CABLES1: variants seen among roughly 807,000 people sequenced by gnomAD.
CABLES1 encodes CDK5 and ABL1 enzyme substrate 1.
CABLES1 carries 36 observed loss-of-function variants against 57.8 expected under a neutral mutation model. The observed-to-expected ratio is 0.62, with a 90% confidence interval of 0.48 to 0.82. The LOEUF (loss-of-function observed/expected upper bound fraction) is 0.82, where lower values mean the gene tolerates loss of function less well. Ranked by LOEUF, CABLES1 falls within the 40% of genes least tolerant of loss-of-function variation. The pLI, the probability that CABLES1 is intolerant of heterozygous loss-of-function variation, is 0.00. For missense variants in CABLES1, 767 were observed against 836.6 expected, an observed-to-expected ratio of 0.92 and a Z score of 1.03; for synonymous variants, 374 against 363.0, an observed-to-expected ratio of 1.03 and a Z score of -0.35.
intron 7 of CABLES1, among the ~76,000 whole-genome samples, chr18:23,242,423 C>A (rs2047758917): frequency 1.3e-5 from 2 of 152,166 alleles, no homozygotes; most frequent in Non-Finnish European, 2.9e-5. Context: ...GATGGTGTGT[C>A]TCAGGGGAGG....
chr18:23,234,627 G>A lies in CABLES1; in HGVS notation c.1108G>A (p.Gly370Arg), dbSNP rs1384428824. The A allele has an allele frequency of 3.7e-6, 6 of 1,613,918 alleles. No individual in the cohort carries two copies. Among genetic ancestry groups the A allele is most frequent in the Admixed American group, 1.7e-5 (1 of 60,012 alleles). The change falls in exon 5 of 10, where the codon GGA (glycine) becomes AGA (arginine). Residue 370 changes from glycine (G) to arginine (R), a missense_variant. Transcript: ENST00000256925. ...TCCCAGGGACTTGAAGTTGGACGGA[G>A]GAAGACAATCAACTGGTGCAGTGAG... is the stretch of plus-strand genomic sequence containing the variant. ...TQVGDLKLDG[G>R]RQSTGAVSLK... is the part of the protein sequence containing the mutation.
At chr18:23,165,803 G>A (rs1025541824) in intron 1 of CABLES1, among the ~76,000 whole-genome samples, 2 of 152,124 alleles carry the variant, frequency 1.3e-5, no homozygotes, top group Non-Finnish European at 2.9e-5. Context: ...GAATGATGCC[G>A]CTATGAGCAT....
chr18:23,139,090 T>C (rs980488455), intron 1 of CABLES1, among the ~76,000 whole-genome samples: 20 of 152,084 alleles, frequency 1.3e-4, no homozygotes, highest in African/African-American at 4.6e-4. Context: ...TTGGGTTTGT[T>C]TTGGGTATAT....
chr18:23,185,344 C>T (rs572471812), intron 1 of CABLES1, among the ~76,000 whole-genome samples: 187 of 152,292 alleles, frequency 1.2e-3, no homozygotes, highest in African/African-American at 4.3e-3. Context: ...CACACCACAG[C>T]CCTGAAGGAC....
intron 1 of CABLES1, among the ~76,000 whole-genome samples, chr18:23,180,869 G>T (rs1442891776): frequency 6.6e-6 from 1 of 152,156 alleles, no homozygotes; most frequent in Non-Finnish European, 1.5e-5. Context: ...CAAGAAGCAG[G>T]GGATGGAGGC....
In CABLES1 at chr18:23,171,283, G is replaced by A. The variant is rs113845359; in HGVS notation, c.846-17555G>A. On this transcript the variant is annotated intron_variant, in intron 1 of 9. Transcript: ENST00000256925. ...GAACTCTTAGTGTGTCTCCTCACCGGATTGTTCTTAAAGGCAAGGCTTTTG... is the reference window on the plus strand; with the variant it reads ...GAACTCTTAGTGTGTCTCCTCACCGAATTGTTCTTAAAGGCAAGGCTTTTG... Among the ~76,000 whole-genome samples the A allele has an allele frequency of 9.9e-3, 1,515 of 152,302 alleles. 21 individuals are homozygous for A. Among genetic ancestry groups the A allele is most frequent in the African/African-American group, 0.035 (1,460 of 41,564 alleles).
chr18:23,170,297 G>GGGCCTGCCTGTTTTTGACGT (rs1466205983), intron 1 of CABLES1, among the ~76,000 whole-genome samples: 1 of 152,168 alleles, frequency 6.6e-6, no homozygotes, highest in Non-Finnish European at 1.5e-5. Flanking sequence ...CATGTAACAA[G>GGGCCTGCCTGTTTTTGACGT]GGCCTGCCTG....
chr18:23,223,384 C>T (rs1454702771), intron 4 of CABLES1, among the ~76,000 whole-genome samples: 1 of 151,954 alleles, frequency 6.6e-6, no homozygotes, highest in African/African-American at 2.4e-5. Flanking sequence ...TTGAGACCAG[C>T]CTGGCCGACA....
intron 8 of CABLES1, among the ~76,000 whole-genome samples, chr18:23,253,345 TG>T (rs1474637149): frequency 6.6e-6 from 1 of 152,076 alleles, no homozygotes; most frequent in Non-Finnish European, 1.5e-5. Flanking sequence ...TAGCCAGGCA[TG>T]GTGGTGCACG....
intron 1 of CABLES1, among the ~76,000 whole-genome samples, chr18:23,162,351 TAGAC>T (rs1476273280): frequency 6.6e-6 from 1 of 152,222 alleles, no homozygotes; most frequent in African/African-American, 2.4e-5. Flanking sequence ...ATTATTAGCT[TAGAC>T]AGCCAGTTGC....
intron 3 of CABLES1, among the ~76,000 whole-genome samples, chr18:23,195,376 T>A (rs2047274818): frequency 6.6e-6 from 1 of 152,160 alleles, no homozygotes; most frequent in African/African-American, 2.4e-5. Context: ...TCTTGTTTGA[T>A]CTCCTAATTT....
At chr18:23,226,480 T>C (rs2047528947) in intron 4 of CABLES1, among the ~76,000 whole-genome samples, 1 of 152,168 alleles carries the variant, frequency 6.6e-6, no homozygotes, top group South Asian at 2.1e-4. Context: ...CCTCCTATTT[T>C]TTTACCCTCA....
chr18:23,187,535 C>T (rs1181158248), intron 1 of CABLES1, among the ~76,000 whole-genome samples: 11 of 152,120 alleles, frequency 7.2e-5, no homozygotes, highest in African/African-American at 1.9e-4. Context: ...TACAGGCGCC[C>T]GCCACCACAC....
Position 23,257,441 on chromosome 18 carries a change from G to A in CABLES1, c.*74G>A, listed in dbSNP as rs1325351495. 3 of 1,464,474 alleles carry A rather than the reference G, an allele frequency of 2.0e-6. No individual in the cohort carries two copies. Among genetic ancestry groups the A allele is most frequent in the Non-Finnish European group, 2.7e-6 (3 of 1,096,132 alleles). 90.7% of individuals were successfully genotyped at this position (1,464,474 alleles called of 1,614,324 possible). A position where few individuals can be genotyped will look rare whatever the true frequency, so the allele number is the denominator to read the frequency against. ...GCAGCACTTACTTACTACTGGAAAT[G>A]AAAAAAAGTAGAACTCAGAATACCA... On this transcript the variant is annotated 3_prime_UTR_variant, in exon 10 of 10. Transcript: ENST00000256925.
chr18:23,164,294 G>A (rs573591396), intron 1 of CABLES1, among the ~76,000 whole-genome samples: 13 of 152,340 alleles, frequency 8.5e-5, no homozygotes, highest in Admixed American at 7.8e-4. Context: ...CGGAGCCAGT[G>A]TGTTAATCTT....
In CABLES1 at chr18:23,136,073, C is replaced by G. The variant is rs920622592; in HGVS notation, c.311C>G (p.Ala104Gly). ...CCGGGCGCCGGCGGCGCCTGCGGCG[C>G]GAGGACTCGGTTCAGCTTGCTCGCC... The part of the protein sequence containing the change: ...AKPGAGGACG[A>G]RTRFSLLAAA... The change falls in exon 1 of 10, where the codon GCG (alanine) becomes GGG (glycine). Residue 104 changes from alanine (A) to glycine (G), a missense_variant. By Grantham distance (60) the Ala-to-Gly change is moderately conservative. Coordinates refer to ENST00000256925, the MANE Select transcript of CABLES1 (RefSeq NM_001100619.3). 1 of 1,167,192 alleles carries G rather than the reference C, an allele frequency of 8.6e-7. No individual in the cohort carries two copies. Among genetic ancestry groups the G allele is most frequent in the African/African-American group, 1.6e-5 (1 of 61,656 alleles). The allele number at this position is 1,167,192 out of a possible 1,614,324, so 72.3% of individuals were successfully genotyped here. A position where few individuals can be genotyped will look rare whatever the true frequency, so the allele number is the denominator to read the frequency against.
At chr18:23,151,298 G>T (rs903477268) in intron 1 of CABLES1, among the ~76,000 whole-genome samples, 2 of 151,848 alleles carry the variant, frequency 1.3e-5, no homozygotes, top group Non-Finnish European at 2.9e-5. Context: ...GATTACATGC[G>T]TGAGCCACTG....
intron 1 of CABLES1, among the ~76,000 whole-genome samples, chr18:23,185,594 G>A (rs111933092): frequency 6.4e-4 from 97 of 152,196 alleles, no homozygotes; most frequent in African/African-American, 2.3e-3. Flanking sequence ...GCCCACCCAG[G>A]GCCTCCCCAG....
At chr18:23,165,660 C>T (rs2047037219) in intron 1 of CABLES1, among the ~76,000 whole-genome samples, 2 of 152,196 alleles carry the variant, frequency 1.3e-5, no homozygotes, top group Non-Finnish European at 2.9e-5. Context: ...AGCATAATGT[C>T]CTTCATATGG....
Sources: gnomAD v4.1 joint callset for allele counts (sites outside exome capture counted in the v4.1 genomes callset) on GRCh38, gnomAD v4.1.1 for gene constraint, MANE v1.5 for transcripts, NCBI Gene and HGNC (gene_info 2026-07-23, HGNC 2026-07-21) for gene names.